SNX6: variants seen among roughly 807,000 people sequenced by gnomAD.
SNX6 encodes the protein sorting nexin 6.
SNX6 carries 34 observed loss-of-function variants against 63.0 expected under a neutral mutation model. The ratio of observed to expected loss-of-function variants is 0.54; its 90% CI spans 0.41 to 0.72. SNX6 has a LOEUF of 0.72. Among genes scored for constraint, SNX6 ranks in the 30% least tolerant of loss-of-function variants. The probability of loss-of-function intolerance (pLI) is 0.00; values close to 1 mark genes in which losing one functional copy is unlikely to be tolerated. For missense variants in SNX6, 398 were observed against 471.4 expected, an observed-to-expected ratio of 0.84 and a Z score of 1.44; for synonymous variants, 170 against 164.2, an observed-to-expected ratio of 1.04 and a Z score of -0.27.
At chr14:34,619,680 T>C (rs1883554238) in intron 2 of SNX6, among the ~76,000 whole-genome samples, 1 of 152,112 alleles carries the variant, frequency 6.6e-6, no homozygotes, top group Non-Finnish European at 1.5e-5. Context: ...CCCACCACTT[T>C]TACCACATGT....
At chr14:34,607,831 C>G (rs182618165) in intron 4 of SNX6, among the ~76,000 whole-genome samples, 199 bp downstream of exon 4, 1 of 152,168 alleles carries the variant, frequency 6.6e-6, no homozygotes, top group East Asian at 1.9e-4. Context: ...CTGCTTGAAC[C>G]CAGGAGGCAG....
intron 11 of SNX6, chr14:34,568,638 T>G (rs972314340): frequency 4.1e-6 from 3 of 738,534 alleles, no homozygotes; most frequent in Admixed American, 2.2e-5. Flanking sequence ...CAGCCTGTTT[T>G]TTTTTTTTTT....
chr14:34,619,801 T>A (rs1883558813), intron 2 of SNX6, among the ~76,000 whole-genome samples: 1 of 152,152 alleles, frequency 6.6e-6, no homozygotes, highest in African/African-American at 2.4e-5. Context: ...CCTTTCCTGC[T>A]GGTCCCTTCA....
intron 7 of SNX6, among the ~76,000 whole-genome samples, chr14:34,596,873 T>A (rs1005269973): frequency 6.6e-6 from 1 of 152,026 alleles, no homozygotes; most frequent in Admixed American, 6.6e-5. Flanking sequence ...TTTCACCATG[T>A]TGACCAGGTT....
chr14:34,599,551 G>A (rs1882725306), intron 6 of SNX6, among the ~76,000 whole-genome samples: 1 of 151,380 alleles, frequency 6.6e-6, no homozygotes, highest in South Asian at 2.1e-4. Flanking sequence ...AGGTTGCCAT[G>A]AGCCAATATC....
chr14:34,622,930 TC>T, intron 2 of SNX6, among the ~76,000 whole-genome samples: 1 of 152,334 alleles, frequency 6.6e-6, no homozygotes, highest in South Asian at 2.1e-4. Context: ...ATATGGAAAG[TC>T]CCTGACATGC....
chr14:34,608,109 A>T lies in SNX6; in HGVS notation c.191T>A (p.Phe64Tyr). The change falls in exon 4 of 14, where the codon TTT (phenylalanine) becomes TAT (tyrosine). Residue 64 changes from phenylalanine to tyrosine, a missense_variant. Physicochemically the swap from Phe to Tyr is conservative, Grantham distance 22. Coordinates refer to ENST00000362031, the MANE Select transcript of SNX6 (RefSeq NM_152233.4). The part of the protein sequence containing the change: ...SSLPNFKQNE[F>Y]SVVRQHEEFI... ...TTCCTCATGTTGCCGAACAACTGAA[A>T]ACTCGTTTTGTTTAAAATTTGGCAA... is the stretch of plus-strand genomic sequence containing the variant. 6.2e-7 allele frequency: 1 copy of T among 1,608,434 alleles called. No individual in the cohort carries two copies. The highest frequency in any genetic ancestry group is 8.5e-7 in the Non-Finnish European group (1 of 1,177,208).
chr14:34,568,960 C>T (rs1238570814), intron 11 of SNX6: 23 of 1,389,198 alleles, frequency 1.7e-5, no homozygotes, highest in Non-Finnish European at 2.0e-5. Context: ...GGAAGCAGCT[C>T]GCGTGTACAA....
At position 34,629,837 on chromosome 14, in the gene SNX6, C is replaced by A. The variant is rs1883971853; in HGVS notation, c.54+70G>T. Reference sequence around the variant, plus strand: ...GCGCGGCTGGGGACCCATCCCCGTACCACACCCGGGGACCCAGGATGGGGA... The same window carrying A: ...GCGCGGCTGGGGACCCATCCCCGTAACACACCCGGGGACCCAGGATGGGGA... On this transcript the variant is annotated intron_variant, in intron 2 of 13. Coordinates refer to ENST00000362031, the MANE Select transcript of SNX6 (RefSeq NM_152233.4). The A allele has an allele frequency of 6.5e-6, 10 of 1,544,810 alleles. No individual in the cohort carries two copies. In the Admixed American group the frequency reaches 1.8e-4, roughly 28 times the overall value.
At chr14:34,630,016 A>T in intron 1 of SNX6, 62 bp from the exon 2 acceptor site, 1 of 1,487,386 alleles carries the variant, frequency 6.7e-7, no homozygotes. Context: ...ACACAAAGGG[A>T]GACATTAGTG....
intron 11 of SNX6, among the ~76,000 whole-genome samples, chr14:34,572,108 C>T (rs2138270138): frequency 6.6e-6 from 1 of 152,094 alleles, no homozygotes; most frequent in Admixed American, 6.6e-5. Flanking sequence ...CTTATATTAA[C>T]AGTATATGAT....
intron 2 of SNX6, among the ~76,000 whole-genome samples, chr14:34,625,267 T>A (rs889942341): frequency 1.3e-5 from 2 of 152,146 alleles, no homozygotes; most frequent in Non-Finnish European, 2.9e-5. Context: ...AAAAATGCAA[T>A]GCCTAAAAGT....
intron 2 of SNX6, among the ~76,000 whole-genome samples, chr14:34,616,260 G>A (rs1883416595): frequency 6.6e-6 from 1 of 151,968 alleles, no homozygotes; most frequent in South Asian, 2.1e-4. Flanking sequence ...AGCCAGGAAT[G>A]TCTTTCAATT....
chr14:34,592,733 T>TTATTTTTTA (rs1410465308), intron 8 of SNX6, among the ~76,000 whole-genome samples: 1 of 152,110 alleles, frequency 6.6e-6, no homozygotes, highest in Non-Finnish European at 1.5e-5. Flanking sequence ...CTGGCTAATT[T>TTATTTTTTA]TATTTTTTAT....
At chr14:34,603,977 C>A (rs1208814733) in intron 5 of SNX6, among the ~76,000 whole-genome samples, 1 of 151,088 alleles carries the variant, frequency 6.6e-6, no homozygotes, top group East Asian at 1.9e-4. Flanking sequence ...TGCCATTACA[C>A]CAAAGAAATG....
At chr14:34,574,348 A>AG (rs1170663990) in intron 11 of SNX6, among the ~76,000 whole-genome samples, 2 of 150,698 alleles carry the variant, frequency 1.3e-5, no homozygotes, top group African/African-American at 2.4e-5. Flanking sequence ...AAAAAAAAAA[A>AG]AGAGAAAAAA....
At chr14:34,613,777 C>T (rs574708086) in intron 2 of SNX6, among the ~76,000 whole-genome samples, 9 of 150,548 alleles carry the variant, frequency 6.0e-5, no homozygotes, top group Admixed American at 1.3e-4. Context: ...TGGGCAAGAG[C>T]GAGACTCCAT....
At chr14:34,614,884 A>G (rs1449881486) in intron 2 of SNX6, among the ~76,000 whole-genome samples, 1 of 152,160 alleles carries the variant, frequency 6.6e-6, no homozygotes, top group African/African-American at 2.4e-5. Flanking sequence ...CAGTCTCGTA[A>G]GACCCTATTT....
intron 11 of SNX6, among the ~76,000 whole-genome samples, chr14:34,575,365 A>G (rs1277963862): frequency 1.3e-5 from 2 of 151,836 alleles, no homozygotes; most frequent in African/African-American, 4.8e-5. Flanking sequence ...CATGCCAGCT[A>G]ATTTTTGTAT....
Sources: allele counts gnomAD v4.1 joint callset (sites outside exome capture counted in the v4.1 genomes callset), GRCh38; gene constraint gnomAD v4.1.1; transcripts MANE v1.5; gene names NCBI Gene and HGNC (gene_info 2026-07-23, HGNC 2026-07-21).